The following NRG2 variants were observed in gnomAD, a reference collection of about 807,000 sequenced individuals.
The protein encoded by NRG2 is neuregulin 2, also known as pro-neuregulin-2, membrane-bound isoform.
In NRG2, 27 loss-of-function variants were observed where a neutral mutation model predicts 73.9. That is an observed-to-expected ratio of 0.37 (90% confidence interval 0.27 to 0.50). NRG2 has a LOEUF of 0.50. Among genes scored for constraint, NRG2 ranks in the 20% least tolerant of loss-of-function variants. NRG2 has a pLI of 0.96. For missense variants in NRG2, 1,126 were observed against 1,210.1 expected (o/e 0.93, Z 1.03); for synonymous variants, 532 against 541.0 (o/e 0.98, Z 0.23).
intron 1 of NRG2, among the ~76,000 whole-genome samples, chr5:139,969,008 G>C (rs999596670): frequency 6.6e-6 from 1 of 152,256 alleles, no homozygotes; most frequent in Non-Finnish European, 1.5e-5. Flanking sequence ...GAAAGCTGCC[G>C]GCAGAGGGTT....
intron 9 of NRG2, among the ~76,000 whole-genome samples, chr5:139,849,356 G>A (rs1179702814): frequency 6.6e-6 from 1 of 152,126 alleles, no homozygotes; most frequent in Non-Finnish European, 1.5e-5. Context: ...TTCCTCCCAT[G>A]CCCTGATGGC....
intron 1 of NRG2, among the ~76,000 whole-genome samples, chr5:139,939,244 C>CTTTCTTTCTTTCTT (rs1377265362): frequency 9.6e-5 from 13 of 135,668 alleles, no homozygotes; most frequent in African/African-American, 3.5e-4. Context: ...TCCTTCCTTC[C>CTTTCTTTCTTTCTT]TTTCTTTCTT....
At chr5:139,966,141 C>T (rs895873999) in intron 1 of NRG2, among the ~76,000 whole-genome samples, 2 of 152,136 alleles carry the variant, frequency 1.3e-5, no homozygotes, top group African/African-American at 4.8e-5. Context: ...AATGAATGGT[C>T]TCTGTCCAGA....
intron 1 of NRG2, among the ~76,000 whole-genome samples, chr5:139,988,368 C>A (rs916084240): frequency 6.6e-6 from 1 of 152,024 alleles, no homozygotes; most frequent in Non-Finnish European, 1.5e-5. Flanking sequence ...ATATCATCTT[C>A]TATAATTGCC....
chr5:140,020,688 C>T (rs1760148768), intron 1 of NRG2, among the ~76,000 whole-genome samples: 1 of 152,158 alleles, frequency 6.6e-6, no homozygotes, highest in Non-Finnish European at 1.5e-5. Flanking sequence ...GCAAAAGCAC[C>T]ACTGCATTTT....
chr5:139,959,108 G>A (rs1303315312), intron 1 of NRG2, among the ~76,000 whole-genome samples: 1 of 152,204 alleles, frequency 6.6e-6, no homozygotes, highest in African/African-American at 2.4e-5. Flanking sequence ...GCTTTGATAT[G>A]GCCACCACTG....
chr5:139,962,369 T>G (rs1199552138), intron 1 of NRG2, among the ~76,000 whole-genome samples: 1 of 152,168 alleles, frequency 6.6e-6, no homozygotes, highest in Non-Finnish European at 1.5e-5. Flanking sequence ...CAGAGCCAGC[T>G]TGGCTCAAAA....
At chr5:139,949,300 G>A (rs1016099352) in intron 1 of NRG2, among the ~76,000 whole-genome samples, 1 of 152,054 alleles carries the variant, frequency 6.6e-6, no homozygotes, top group Non-Finnish European at 1.5e-5. Flanking sequence ...TACAAACTAT[G>A]ATATCACTAT....
intron 1 of NRG2, among the ~76,000 whole-genome samples, chr5:139,963,082 A>C (rs621345): frequency 0.21 from 32,079 of 152,160 alleles, 4,219 homozygotes; most frequent in African/African-American, 0.38. Flanking sequence ...ATTGACATGG[A>C]ACATATACTA....
At chr5:140,005,091 G>A (rs2126631356) in intron 1 of NRG2, among the ~76,000 whole-genome samples, 1 of 152,286 alleles carries the variant, frequency 6.6e-6, no homozygotes, top group Non-Finnish European at 1.5e-5. Context: ...CTCAGGGGAT[G>A]TAGAATTGGG....
intron 1 of NRG2, among the ~76,000 whole-genome samples, chr5:139,909,557 C>T (rs940317575): frequency 5.3e-5 from 8 of 152,156 alleles, no homozygotes; most frequent in African/African-American, 1.4e-4. Flanking sequence ...TCCAAGCCCA[C>T]GGTATGTTTG....
rs530668211 is a variant in NRG2 at position 140,042,163 on chromosome 5, CT to C, written c.700+206del. 5.5e-4 allele frequency among the ~76,000 whole-genome samples: 83 copies of C among 151,758 alleles called. No homozygotes were observed. The South Asian group carries it at 0.013, about 23-fold the overall frequency. ...CAGCGCCTCCCTCCGCCCCCCACCC[CT>C]GGCACACTTTGAGCCTGATCCTTCT... On this transcript the variant is annotated intron_variant, in intron 1 of 9. Coordinates refer to ENST00000361474, the MANE Select transcript of NRG2 (RefSeq NM_004883.3).
Position 140,042,782 on chromosome 5 carries a change from G to A in NRG2, c.288C>T (p.Asp96=). Residue 96 remains aspartate (D), a synonymous_variant, in exon 1 of 10, where the codon GAC becomes GAT. Transcript: ENST00000361474. The stretch of plus-strand genomic sequence containing the variant: ...GCAGCATGGAGAAGCCGGGGGCCGG[G>A]TCGCGCCTCATGCCGCCGGCGGCTG... ...RAAAAGGMRR[D]PAPGFSMLLF... The A allele has an allele frequency of 1.3e-6, 2 of 1,525,436 alleles. No homozygotes were observed. The highest frequency in any genetic ancestry group is 1.8e-6 in the Non-Finnish European group (2 of 1,137,594). The allele number at this position is 1,525,436 out of a possible 1,614,324, so 94.5% of individuals were successfully genotyped here.
At position 139,887,194 on chromosome 5, in the gene NRG2, A is replaced by G; in HGVS notation, c.872+146T>C. 1.1e-6 allele frequency: 1 copy of G among 916,012 alleles called. No individual in the cohort carries two copies. Among genetic ancestry groups the G allele is most frequent in the Admixed American group, 2.2e-5 (1 of 44,800 alleles). The allele number at this position is 916,012 out of a possible 1,614,324, so 56.7% of individuals were successfully genotyped here. A position where few individuals can be genotyped will look rare whatever the true frequency, so the allele number is the denominator to read the frequency against. The stretch of plus-strand genomic sequence containing the variant: ...TGCAGGAAGAAGGCTGGGAGTGGCA[A>G]GGAAGGGGAGTATGGAGAGGGGCTG... On this transcript the variant is annotated intron_variant, in intron 2 of 9. Coordinates refer to ENST00000361474, the MANE Select transcript of NRG2 (RefSeq NM_004883.3). This position sits in a 1 kb window ranked among gnomAD's most constrained non-coding sequence, Gnocchi z 4.5.
intron 1 of NRG2, among the ~76,000 whole-genome samples, chr5:140,015,887 A>G (rs924521604): frequency 1.3e-5 from 2 of 152,194 alleles, no homozygotes; most frequent in African/African-American, 4.8e-5. Context: ...CAGGCCCCAA[A>G]TTCTAGTAAC....
At chr5:139,923,876 C>T (rs1751859523) in intron 1 of NRG2, among the ~76,000 whole-genome samples, 1 of 152,150 alleles carries the variant, frequency 6.6e-6, no homozygotes, top group South Asian at 2.1e-4. Flanking sequence ...ATGAGCACTA[C>T]CCAAACAATA....
At chr5:139,993,913 G>A (rs557011348) in intron 1 of NRG2, among the ~76,000 whole-genome samples, 13 of 152,238 alleles carry the variant, frequency 8.5e-5, no homozygotes, top group African/African-American at 3.1e-4. Flanking sequence ...GTTCACAGCA[G>A]TCATCACTAT....
chr5:139,995,463 G>T (rs900222388), intron 1 of NRG2, among the ~76,000 whole-genome samples: 1 of 152,192 alleles, frequency 6.6e-6, no homozygotes, highest in Non-Finnish European at 1.5e-5. Flanking sequence ...TTCAGCCCCA[G>T]ATGCTGCATG....
At chr5:139,926,683 G>C (rs1435977244) in intron 1 of NRG2, among the ~76,000 whole-genome samples, 3 of 152,126 alleles carry the variant, frequency 2.0e-5, no homozygotes, top group African/African-American at 7.2e-5. Flanking sequence ...CCAACCTCCA[G>C]GCTCAGGCAA....
Sources: allele counts gnomAD v4.1 joint callset (sites outside exome capture counted in the v4.1 genomes callset), GRCh38; gene constraint gnomAD v4.1.1; non-coding constraint Gnocchi (gnomAD v3.1); transcripts MANE v1.5; gene names NCBI Gene and HGNC (gene_info 2026-07-23, HGNC 2026-07-21).